COL21A1: variants seen among roughly 807,000 people sequenced by gnomAD.
COL21A1 encodes the protein collagen alpha-1(XXI) chain.
A neutral mutation model predicts 137.9 loss-of-function variants in COL21A1; 149 were observed. The observed-to-expected ratio is 1.08, with a 90% CI of 0.95 to 1.24. COL21A1 has a LOEUF of 1.24. COL21A1 is among the 50% of genes most tolerant of loss of function. COL21A1 has a pLI of 0.00. For synonymous variants in COL21A1, 456 were observed against 391.5 expected, an observed-to-expected ratio of 1.16 and a Z score of -1.95; for missense variants, 1,167 against 1,158.4, an observed-to-expected ratio of 1.01 and a Z score of -0.11.
rs371479157 is a variant in COL21A1, at chr6:56,057,663, G to C, written c.2868C>G (p.Asn956Lys). ...CTGAATGAGGCATCAGACACTAATA[G>C]TTTGGTCCTTTTCTGAACGGATCTC... ...ARRDPFRKGP[N>K]Y The change falls in exon 30 of 30, where the codon AAC becomes AAG. Residue 956 changes from asparagine to lysine, a missense_variant. Asn to Lys is a moderately conservative substitution (Grantham distance 94, BLOSUM62 0). Coordinates refer to ENST00000244728, the MANE Select transcript of COL21A1 (RefSeq NM_030820.4). 1.2e-6 allele frequency: 2 copies of C among 1,612,872 alleles called. No individual in the cohort carries two copies. Among genetic ancestry groups the C allele is most frequent in the Non-Finnish European group, 1.7e-6 (2 of 1,179,486 alleles).
chr6:56,304,757 T>C lies in COL21A1; in HGVS notation c.-39+89214A>G, dbSNP rs573299051. On this transcript the variant is annotated intron_variant, in intron 1 of 28. Transcript: ENST00000370819. The stretch of plus-strand genomic sequence containing the variant: ...TTCAGTTCTGCTCTGATCTTAGTTG[T>C]TTCTTGCCTTCTGCTAGCTTTTGAA... Among the ~76,000 whole-genome samples, 4 of 152,360 alleles carry C rather than the reference T, an allele frequency of 2.6e-5. No individual in the cohort carries two copies. The South Asian group carries it at 8.3e-4, about 32-fold the overall frequency.
intron 1 of COL21A1, among the ~76,000 whole-genome samples, chr6:56,253,155 C>T (rs1782894025): frequency 6.6e-6 from 1 of 152,176 alleles, no homozygotes; most frequent in African/African-American, 2.4e-5. Flanking sequence ...ATTCATAGCC[C>T]TACCCTGAAA....
intron 1 of COL21A1, among the ~76,000 whole-genome samples, chr6:56,318,151 C>G (rs1274275373): frequency 6.6e-6 from 1 of 152,076 alleles, no homozygotes; most frequent in African/African-American, 2.4e-5. Flanking sequence ...ATTTTCATCA[C>G]AAAAAAATGT....
intron 18 of COL21A1, among the ~76,000 whole-genome samples, chr6:56,077,317 A>AACAAAAAAAAATATATACATT (rs1191008289): frequency 1.2e-4 from 18 of 151,394 alleles, no homozygotes; most frequent in Non-Finnish European, 1.6e-4. Context: ...TAAAGGAGGA[A>AACAAAAAAAAATATATACATT]GCATATAATG....
At chr6:56,249,280 G>C (rs553718949), upstream of COL21A1, among the ~76,000 whole-genome samples, 1 of 152,338 alleles carries the variant, frequency 6.6e-6, no homozygotes, top group South Asian at 2.1e-4. Context: ...TTGTAAAAAT[G>C]ATTAAGCCAC....
intron 23 of COL21A1, among the ~76,000 whole-genome samples, chr6:56,066,419 C>T (rs575294547): frequency 6.6e-6 from 1 of 151,936 alleles, no homozygotes; most frequent in Non-Finnish European, 1.5e-5. Context: ...ATTCAGAATT[C>T]TACATTTGTG....
intron 3 of COL21A1, among the ~76,000 whole-genome samples, chr6:56,174,013 CTA>C (rs1040323249): frequency 2.0e-5 from 3 of 151,952 alleles, no homozygotes; most frequent in African/African-American, 7.3e-5. Flanking sequence ...TGGAATAAAA[CTA>C]AAAATTAACA....
intron 12 of COL21A1, among the ~76,000 whole-genome samples, chr6:56,138,279 AATC>A: frequency 6.7e-6 from 1 of 150,272 alleles, no homozygotes; most frequent in Non-Finnish European, 1.5e-5. Flanking sequence ...CTATAGTAGT[AATC>A]ATATCAATAA....
chr6:56,175,352 C>G (rs898481043), intron 3 of COL21A1, among the ~76,000 whole-genome samples: 2 of 151,448 alleles, frequency 1.3e-5, no homozygotes, highest in African/African-American at 4.9e-5. Flanking sequence ...TCTCTGTTCA[C>G]AGATAGCATG....
chr6:56,282,438 G>T (rs987456962), intron 1 of COL21A1, among the ~76,000 whole-genome samples: 1 of 152,048 alleles, frequency 6.6e-6, no homozygotes, highest in Non-Finnish European at 1.5e-5. Flanking sequence ...ACAGACAAAG[G>T]TACAAGGACT....
intron 1 of COL21A1, among the ~76,000 whole-genome samples, chr6:56,227,966 A>G (rs1180734343): frequency 6.6e-6 from 1 of 151,986 alleles, no homozygotes; most frequent in Non-Finnish European, 1.5e-5. Context: ...TTAAGAAGAC[A>G]GGAAGATAGT....
At chr6:56,326,865 T>C (rs538055155) in intron 1 of COL21A1, among the ~76,000 whole-genome samples, 11 of 152,176 alleles carry the variant, frequency 7.2e-5, no homozygotes, top group Admixed American at 2.6e-4. Context: ...TAGTTTTACA[T>C]AACACTAGAC....
chr6:56,292,330 G>A (rs1227397990), intron 1 of COL21A1, among the ~76,000 whole-genome samples: 1 of 150,860 alleles, frequency 6.6e-6, no homozygotes, highest in Admixed American at 6.6e-5. Context: ...AATTGCCCGA[G>A]TAAATTCAAA....
intron 1 of COL21A1, among the ~76,000 whole-genome samples, chr6:56,260,642 AG>A (rs1223826759): frequency 9.3e-5 from 4 of 42,924 alleles, no homozygotes; most frequent in Non-Finnish European, 1.7e-4. Flanking sequence ...GAAGGAAGGA[AG>A]GAAGGAAGGA....
At chr6:56,231,086 C>T (rs1781526299) in intron 1 of COL21A1, 1 of 151,902 alleles carries the variant, frequency 6.6e-6, no homozygotes, top group South Asian at 2.1e-4. Flanking sequence ...CTTCTTTTAC[C>T]TCCCAGATGA....
At chr6:56,092,030 C>G (rs1466197006) in intron 17 of COL21A1, among the ~76,000 whole-genome samples, 1 of 151,916 alleles carries the variant, frequency 6.6e-6, no homozygotes, top group Non-Finnish European at 1.5e-5. Flanking sequence ...ATTAAGGATT[C>G]TTTGAAGCAA....
chr6:56,208,853 G>T (rs945368168), intron 1 of COL21A1, among the ~76,000 whole-genome samples: 1 of 151,884 alleles, frequency 6.6e-6, no homozygotes, highest in African/African-American at 2.4e-5. Context: ...CAGAACAGAG[G>T]CCTCAGAAAT....
At chr6:56,156,979 A>G (rs1313693333) in intron 9 of COL21A1, 30 bp from the exon 10 acceptor site, 33 of 1,555,380 alleles carry the variant, frequency 2.1e-5, no homozygotes, top group Non-Finnish European at 2.7e-5. Flanking sequence ...ACTTTTGAGT[A>G]CAAAACAACC....
chr6:56,097,646 G>A (rs1769466998), intron 17 of COL21A1, among the ~76,000 whole-genome samples: 1 of 149,342 alleles, frequency 6.7e-6, no homozygotes, highest in Non-Finnish European at 1.5e-5. Flanking sequence ...GTGGGAGCAG[G>A]CAGGGCAAAA....
Sources: gnomAD v4.1 joint callset for allele counts (sites outside exome capture counted in the v4.1 genomes callset) on GRCh38, gnomAD v4.1.1 for gene constraint, MANE v1.5 for transcripts, NCBI Gene and HGNC (gene_info 2026-07-23, HGNC 2026-07-21) for gene names.